The following DRGX variants were observed in gnomAD, a reference collection of about 807,000 sequenced individuals.
DRGX encodes the protein dorsal root ganglia homeobox, also known as dorsal root ganglia homeobox protein.
Under a neutral mutation model 28.6 loss-of-function variants are expected in DRGX, and 21 were observed. That is an observed-to-expected ratio of 0.73 (90% CI 0.52 to 1.06). The LOEUF (loss-of-function observed/expected upper bound fraction) is 1.06, where lower values mean the gene tolerates loss of function less well. DRGX is among the 50% of genes least tolerant of loss of function. The pLI is 0.00. For synonymous variants in DRGX, 136 were observed against 139.1 expected, an observed-to-expected ratio of 0.98 and a Z score of 0.16; for missense variants, 354 against 343.9, an observed-to-expected ratio of 1.03 and a Z score of -0.23.
intron 6 of DRGX, among the ~76,000 whole-genome samples, chr10:49,380,592 G>A (rs1849764365): frequency 6.6e-6 from 1 of 152,098 alleles, no homozygotes; most frequent in African/African-American, 2.4e-5. Flanking sequence ...TGCCCACAGT[G>A]AGCCCAGCAA....
chr10:49,377,135 T>C (rs1380166669), intron 6 of DRGX, among the ~76,000 whole-genome samples: 1 of 152,176 alleles, frequency 6.6e-6, no homozygotes, highest in Non-Finnish European at 1.5e-5. Flanking sequence ...CCAGGGTCAA[T>C]ATCTTTGGAA....
Position 49,372,478 on chromosome 10 carries a change from G to A in DRGX, c.527-6097C>T, listed in dbSNP as rs992215741. Reference sequence around the variant, plus strand: ...CATCCACTCAAGCTTCAGCTTCTTCGCCTTAACACACCTACTTTGGGGATA... The same window carrying A: ...CATCCACTCAAGCTTCAGCTTCTTCACCTTAACACACCTACTTTGGGGATA... On this transcript the variant is annotated intron_variant, in intron 6 of 6. Transcript: ENST00000374139. 2.6e-5 allele frequency among the ~76,000 whole-genome samples: 4 copies of A among 152,128 alleles called. No individual in the cohort carries two copies. In the East Asian group the frequency reaches 5.8e-4, roughly 22 times the overall value.
rs1849884656 is a variant in DRGX at position 49,390,097 on chromosome 10, A to G, written c.234+36T>C. 4 of 1,555,144 alleles carry G rather than the reference A, an allele frequency of 2.6e-6. No individual in the cohort carries two copies. The East Asian group carries it at 9.5e-5, about 37-fold the overall frequency. On this transcript the variant is annotated intron_variant, in intron 4 of 6. Coordinates refer to ENST00000374139, the MANE Select transcript of DRGX (RefSeq NM_001276451.2). ...GTCAAAAAAAAGTTTGCCAGTTTTAATATTAGAGAGTTAAATAATTAAAAA... is the reference window on the plus strand; with the variant it reads ...GTCAAAAAAAAGTTTGCCAGTTTTAGTATTAGAGAGTTAAATAATTAAAAA...
At position 49,366,234 on chromosome 10, in the gene DRGX, T is replaced by C. The variant is rs1472487779; in HGVS notation, c.674A>G (p.Asn225Ser). 2.5e-6 allele frequency: 4 copies of C among 1,613,602 alleles called. No homozygotes were observed. Among genetic ancestry groups the C allele is most frequent in the Non-Finnish European group, 3.4e-6 (4 of 1,179,826 alleles). Residue 225 changes from asparagine (N) to serine (S), a missense_variant, in exon 7 of 7, where the codon AAC becomes AGC. Coordinates refer to ENST00000374139, the MANE Select transcript of DRGX (RefSeq NM_001276451.2). ...GCTGCTGCTGGTGGAAGGCAGGAGG[T>C]TGGCTGACTGCAGGACAGCTTCTGA... ...EHSEAVLQSA[N>S]LLPSTSSSPG...
intron 6 of DRGX, 72 bp from the exon 7 acceptor site, chr10:49,366,453 G>A (rs543215196): frequency 6.6e-6 from 10 of 1,518,478 alleles, no homozygotes; most frequent in South Asian, 5.2e-5. Flanking sequence ...GACAGGAAAC[G>A]ATCTGAGTTC....
rs548239625 is a variant in DRGX, at chr10:49,371,385, G to A, written c.527-5004C>T. On this transcript the variant is annotated intron_variant, in intron 6 of 6. Transcript: ENST00000374139. ...GCTCAAGTAGAGGCCAGGCACAGTGGCTCGCACCTGTATTCCCAGCACTTT... is the reference window on the plus strand; with the variant it reads ...GCTCAAGTAGAGGCCAGGCACAGTGACTCGCACCTGTATTCCCAGCACTTT... Among the ~76,000 whole-genome samples, 8 of 152,186 alleles carry A rather than the reference G, an allele frequency of 5.3e-5. 1 individual carries two copies. In the South Asian group the frequency reaches 1.0e-3, roughly 20 times the overall value.
chr10:49,388,673 A>T lies in DRGX; in HGVS notation c.234+1460T>A, dbSNP rs544855625. Among the ~76,000 whole-genome samples, 6 of 152,350 alleles carry T rather than the reference A, an allele frequency of 3.9e-5. No homozygotes were observed. In the East Asian group the frequency reaches 1.2e-3, roughly 29 times the overall value. ...CATATTTTAATGACTTTGCACTGACAGTTCGCCTGCTTCTGAGGAAAGAGC... is the reference window on the plus strand; with the variant it reads ...CATATTTTAATGACTTTGCACTGACTGTTCGCCTGCTTCTGAGGAAAGAGC... On this transcript the variant is annotated intron_variant, in intron 4 of 6. Transcript: ENST00000374139.
At chr10:49,371,709 T>A (rs1382137003) in intron 6 of DRGX, among the ~76,000 whole-genome samples, 1 of 150,020 alleles carries the variant, frequency 6.7e-6, no homozygotes, top group Non-Finnish European at 1.5e-5. Context: ...GGAGAATCGC[T>A]TGAACCCGGG....
chr10:49,395,330 A>T (rs1450809235), intron 2 of DRGX, 77 bp downstream of exon 2: 1 of 1,531,022 alleles, frequency 6.5e-7, no homozygotes, highest in African/African-American at 1.4e-5. Flanking sequence ...CCAGCCACCC[A>T]CCAGCCCTGC....
Position 49,366,197 on chromosome 10 carries a change from G to A in DRGX, c.711C>T (p.Val237=), listed in dbSNP as rs761165458. The A allele has an allele frequency of 3.5e-5, 56 of 1,613,290 alleles. 1 individual carries two copies. Among genetic ancestry groups the A allele is most frequent in the Admixed American group, 1.2e-4 (7 of 59,974 alleles). ...LPSTSSSPGP[V]AKPAPPDGSQ... ...TGCCATCTGGGGGCGCCGGCTTGGC[G>A]ACAGGGCCGGGGCTGCTGCTGGTGG... Residue 237 remains valine, a synonymous_variant, in exon 7 of 7, where the codon GTC becomes GTT. Coordinates refer to ENST00000374139, the MANE Select transcript of DRGX (RefSeq NM_001276451.2).
chr10:49,372,796 C>T (rs753645516), intron 6 of DRGX, among the ~76,000 whole-genome samples: 1 of 152,188 alleles, frequency 6.6e-6, no homozygotes, highest in South Asian at 2.1e-4. Context: ...TGGCACAAGC[C>T]GTACACTTTT....
intron 2 of DRGX, among the ~76,000 whole-genome samples, chr10:49,393,602 G>A (rs1849933879): frequency 6.6e-6 from 1 of 152,186 alleles, no homozygotes; most frequent in African/African-American, 2.4e-5. Context: ...AAAGATGATA[G>A]GCTATAATTA....
intron 6 of DRGX, among the ~76,000 whole-genome samples, chr10:49,379,691 C>G (rs1246921469): frequency 6.6e-6 from 1 of 152,240 alleles, no homozygotes; most frequent in Non-Finnish European, 1.5e-5. Context: ...ATGGCCAGAC[C>G]TCTGCTAGCA....
Position 49,391,192 on chromosome 10 carries a change from C to A in DRGX, c.104G>T (p.Arg35Leu). 1 of 1,613,146 alleles carries A rather than the reference C, an allele frequency of 6.2e-7. No individual in the cohort carries two copies. The highest frequency in any genetic ancestry group is 8.5e-7 in the Non-Finnish European group (1 of 1,179,634). Residue 35 changes from arginine (R) to leucine (L), a missense_variant, in exon 3 of 7, where the codon CGG becomes CTG. Arg to Leu is a moderately radical substitution (Grantham distance 102). Coordinates refer to ENST00000374139, the MANE Select transcript of DRGX (RefSeq NM_001276451.2). ...CTGAAGAGTGAACGTCGTCCGGTTC[C>A]GGCGCTGTTTTCTACGCAGAAACCC... The part of the protein sequence containing the change: ...DDGFLRRKQR[R>L]NRTTFTLQQL...
At position 49,366,168 on chromosome 10, in the gene DRGX, T is replaced by A. The variant is rs1849597026; in HGVS notation, c.740A>T (p.Gln247Leu). Residue 247 changes from glutamine to leucine, a missense_variant, in exon 7 of 7, where the codon CAG (glutamine) becomes CTG (leucine). Transcript: ENST00000374139. ...VAKPAPPDGS[Q>L]EKTSPTKEQS... ...TTCCTTGGTGGGAGAGGTCTTTTCCTGGCTGCCATCTGGGGGCGCCGGCTT... is the reference window on the plus strand; with the variant it reads ...TTCCTTGGTGGGAGAGGTCTTTTCCAGGCTGCCATCTGGGGGCGCCGGCTT... The A allele has an allele frequency of 1.2e-6, 2 of 1,612,196 alleles. No homozygotes were observed. Among genetic ancestry groups the A allele is most frequent in the Middle Eastern group, 1.7e-4 (1 of 6,048 alleles).
At chr10:49,379,621 A>C (rs1404602606) in intron 6 of DRGX, among the ~76,000 whole-genome samples, 2 of 152,200 alleles carry the variant, frequency 1.3e-5, no homozygotes, top group Non-Finnish European at 2.9e-5. Context: ...TCCAAGGGCA[A>C]AGACCAAAGC....
At chr10:49,385,800 G>A (rs1011003951) in intron 6 of DRGX, among the ~76,000 whole-genome samples, 6 of 151,770 alleles carry the variant, frequency 4.0e-5, no homozygotes, top group African/African-American at 1.5e-4. Flanking sequence ...ACGCACGCTG[G>A]GGCCCAGCTC....
Position 49,365,764 on chromosome 10 carries a change from G to T in DRGX, c.*352C>A, listed in dbSNP as rs1849591067. 5.0e-6 allele frequency: 1 copy of T among 201,286 alleles called. No homozygotes were observed. The highest frequency in any genetic ancestry group is 1.9e-4 in the South Asian group (1 of 5,312). 12.5% of individuals were successfully genotyped at this position (201,286 alleles called of 1,614,324 possible). A position where few individuals can be genotyped will look rare whatever the true frequency, so the allele number is the denominator to read the frequency against. On this transcript the variant is annotated 3_prime_UTR_variant, in exon 7 of 7. Transcript: ENST00000374139. Reference sequence around the variant, plus strand: ...CCTGGGGTTGACAAGACCTTCAAAGGCAGCCCAGGGAGGAAATAGGAAGGG... The same window carrying T: ...CCTGGGGTTGACAAGACCTTCAAAGTCAGCCCAGGGAGGAAATAGGAAGGG...
chr10:49,373,739 A>G (rs1849688964), intron 6 of DRGX, among the ~76,000 whole-genome samples: 1 of 152,296 alleles, frequency 6.6e-6, no homozygotes, highest in East Asian at 1.9e-4. Context: ...ATTGTTTATA[A>G]GTCCCCGGGT....
Sources: allele counts gnomAD v4.1 joint callset (sites outside exome capture counted in the v4.1 genomes callset), GRCh38; gene constraint gnomAD v4.1.1; transcripts MANE v1.5; gene names NCBI Gene and HGNC (gene_info 2026-07-23, HGNC 2026-07-21).